Variants in OPTN observed in about 807,000 individuals in gnomAD.
OPTN encodes the protein E3-14.7K-interacting protein.
In OPTN, 54 loss-of-function variants were observed where a neutral mutation model predicts 70.4. That is an observed-to-expected ratio of 0.77 (90% CI 0.62 to 0.96). The LOEUF (loss-of-function observed/expected upper bound fraction) is 0.96. Among genes scored for constraint, OPTN ranks in the 40% least tolerant of loss-of-function variants. The pLI is 0.00. For synonymous variants in OPTN, 256 were observed against 248.5 expected, an observed-to-expected ratio of 1.03 and a Z score of -0.28; for missense variants, 624 against 673.2, an observed-to-expected ratio of 0.93 and a Z score of 0.81.
intron 5 of OPTN, among the ~76,000 whole-genome samples, chr10:13,113,884 C>A (rs768931080): frequency 6.6e-6 from 1 of 151,752 alleles, no homozygotes; most frequent in Admixed American, 6.6e-5. Context: ...CTGGCGAAAC[C>A]CTGTGTGTAC....
intron 9 of OPTN, 84 bp from the exon 10 acceptor site, chr10:13,125,334 T>A: frequency 6.9e-7 from 1 of 1,456,534 alleles, no homozygotes; most frequent in East Asian, 2.3e-5. Context: ...ATTCTTATAT[T>A]GTACATAACC....
In OPTN at chr10:13,116,335, T is replaced by TG; in HGVS notation, c.623dup (p.Thr209HisfsTer5). The TG allele has an allele frequency of 6.2e-7, 1 of 1,612,258 alleles. No individual in the cohort carries two copies. The highest frequency in any genetic ancestry group is 1.1e-5 in the South Asian group (1 of 91,044). On this transcript the variant is annotated frameshift_variant, in exon 6 of 15. Coordinates refer to ENST00000378747, the MANE Select transcript of OPTN (RefSeq NM_001008212.2). LOFTEE classifies it high-confidence loss of function. ...CTGGGCCCACGAGAACAGTCTCCAC[T>TG]GGCACGTATGTGAAGGAAGACTCGG...
chr10:13,101,621 T>TA (rs1832750320), intron 1 of OPTN, among the ~76,000 whole-genome samples: 1 of 152,192 alleles, frequency 6.6e-6, no homozygotes, highest in African/African-American at 2.4e-5. Flanking sequence ...TTAAACTTTT[T>TA]TTTAAAAAAA....
At position 13,112,496 on chromosome 10, in the gene OPTN, AG is replaced by A; in HGVS notation, c.415del (p.Glu139LysfsTer10). 6.2e-7 allele frequency: 1 copy of A among 1,614,068 alleles called. No homozygotes were observed. The highest frequency in any genetic ancestry group is 8.5e-7 in the Non-Finnish European group (1 of 1,180,010). ...DSRLPRAEAEQEKDQLRTQVV... is the reference protein window; with the variant it reads ...DSRLPRAEAEXEKDQLRTQVV... The stretch of plus-strand genomic sequence containing the variant: ...AGGCTTCCCAGGGCCGAAGCGGAGC[AG>A]GAAAAGGACCAGCTCAGGACCCAGG... On this transcript the variant is annotated frameshift_variant, in exon 5 of 15. Coordinates refer to ENST00000378747, the MANE Select transcript of OPTN (RefSeq NM_001008212.2). LOFTEE classifies it high-confidence loss of function.
At chr10:13,131,146 G>T (rs10906309) in intron 12 of OPTN, among the ~76,000 whole-genome samples, 30,233 of 152,010 alleles carry the variant, frequency 0.2, 3,192 homozygotes, top group East Asian at 0.3. Flanking sequence ...TCAGCAGGAG[G>T]CCTCAGTTCC....
intron 5 of OPTN, among the ~76,000 whole-genome samples, chr10:13,115,930 A>G (rs962811337): frequency 3.9e-5 from 6 of 152,070 alleles, no homozygotes; most frequent in Non-Finnish European, 5.9e-5. Context: ...CCAGCTCTGT[A>G]TGACCTTAAC....
At chr10:13,126,283 CTTT>C (rs61018153) in intron 11 of OPTN, among the ~76,000 whole-genome samples, 4 of 139,060 alleles carry the variant, frequency 2.9e-5, no homozygotes, top group Non-Finnish European at 1.5e-5. Context: ...CTTCGTATTT[CTTT>C]TTTTTTTTTT....
intron 1 of OPTN, chr10:13,104,860 A>C: frequency 2.9e-6 from 1 of 344,856 alleles, no homozygotes; most frequent in Non-Finnish European, 5.5e-6. Flanking sequence ...AAGGGACAGC[A>C]TGGGGGTGAC....
chr10:13,126,424 G>A (rs1223660169), intron 11 of OPTN, among the ~76,000 whole-genome samples: 1 of 151,904 alleles, frequency 6.6e-6, no homozygotes, highest in Admixed American at 6.6e-5. Flanking sequence ...GGGACTACAG[G>A]CGCCCGCCAC....
rs373405178 is a variant in OPTN, at chr10:13,125,402, T to C, written c.999-16T>C. On this transcript the variant is annotated splice_polypyrimidine_tract_variant and intron_variant, in intron 9 of 14. Transcript: ENST00000378747. ...AGGAGCATTGTTTATCCTCATGAAA[T>C]CTTGACCTTTCTTAGGTGTCAGGCC... The C allele has an allele frequency of 3.1e-6, 5 of 1,614,000 alleles. No homozygotes were observed. The highest frequency in any genetic ancestry group is 4.2e-6 in the Non-Finnish European group (5 of 1,179,922).
chr10:13,126,532 G>A (rs1833469598), intron 11 of OPTN, among the ~76,000 whole-genome samples: 1 of 151,634 alleles, frequency 6.6e-6, no homozygotes, highest in African/African-American at 2.4e-5. Context: ...CACCCGCCTC[G>A]GCCTCCCAAA....
chr10:13,108,637 C>T (rs1205710755), intron 2 of OPTN, among the ~76,000 whole-genome samples: 3 of 151,836 alleles, frequency 2.0e-5, no homozygotes, highest in African/African-American at 7.3e-5. Context: ...AGCTCTGCCT[C>T]CCGGGTTCAC....
chr10:13,114,109 G>T (rs762010175), intron 5 of OPTN, among the ~76,000 whole-genome samples: 1 of 151,890 alleles, frequency 6.6e-6, no homozygotes, highest in Non-Finnish European at 1.5e-5. Flanking sequence ...TGTGTCCTTG[G>T]AAGAGAAAAA....
rs56147136 is a variant in OPTN at position 13,128,502 on chromosome 10, C to CTTTTTTTTTTTTTTTTTTTTT, written c.1401+611_1401+631dup. On this transcript the variant is annotated intron_variant, in intron 12 of 14. Transcript: ENST00000378747. ...TTGTGAAGTGCCTTATCAAGCCTGC[C>CTTTTTTTTTTTTTTTTTTTTT]TTTTTTTTTTTTTTTTTTTTTTTTT... Among the ~76,000 whole-genome samples the CTTTTTTTTTTTTTTTTTTTTT allele has an allele frequency of 6.3e-4, 21 of 33,484 alleles. 3 individuals are homozygous for CTTTTTTTTTTTTTTTTTTTTT. Among genetic ancestry groups the CTTTTTTTTTTTTTTTTTTTTT allele is most frequent in the Non-Finnish European group, 8.2e-4 (14 of 17,122 alleles). 22.0% of individuals were successfully genotyped at this position (33,484 alleles called of 152,430 possible).
chr10:13,123,994 G>A lies in OPTN; in HGVS notation c.883-1G>A. 1 of 1,607,554 alleles carries A rather than the reference G, an allele frequency of 6.2e-7. No individual in the cohort carries two copies. The highest frequency in any genetic ancestry group is 8.5e-7 in the Non-Finnish European group (1 of 1,174,134). On this transcript the variant is annotated splice_acceptor_variant, in intron 8 of 14. Coordinates refer to ENST00000378747, the MANE Select transcript of OPTN (RefSeq NM_001008212.2). LOFTEE classifies it high-confidence loss of function. ...TATGTTTGGGATTTCCCGTATGATA[G>A]GTTGGAAGCGAAGTGGAAGCACTGA...
intron 6 of OPTN, 69 bp from the exon 7 acceptor site, chr10:13,118,819 A>G: frequency 7.4e-7 from 1 of 1,349,178 alleles, no homozygotes. Flanking sequence ...TCCCAGTTAT[A>G]TTGGGTTACT....
chr10:13,103,832 T>C (rs1306293006), intron 1 of OPTN, among the ~76,000 whole-genome samples: 1 of 152,172 alleles, frequency 6.6e-6, no homozygotes, highest in Non-Finnish European at 1.5e-5. Context: ...GCCATCCATC[T>C]ACTAGGCAGT....
At chr10:13,136,696 A>G (rs779638366) in intron 14 of OPTN, 49 bp from the exon 15 acceptor site, 1 of 1,612,784 alleles carries the variant, frequency 6.2e-7, no homozygotes, top group South Asian at 1.1e-5. Flanking sequence ...TGAAACAAAC[A>G]CAACTGCCTG....
intron 1 of OPTN, among the ~76,000 whole-genome samples, chr10:13,101,543 A>G (rs1832748329): frequency 6.6e-6 from 1 of 152,030 alleles, no homozygotes; most frequent in Non-Finnish European, 1.5e-5. Context: ...TTTTATAGAG[A>G]TTTGGCATAT....
Sources: gnomAD v4.1 joint callset for allele counts (sites outside exome capture counted in the v4.1 genomes callset) on GRCh38, gnomAD v4.1.1 for gene constraint, MANE v1.5 for transcripts, NCBI Gene and HGNC (gene_info 2026-07-23, HGNC 2026-07-21) for gene names.